TPR: variants seen among roughly 807,000 people sequenced by gnomAD.
TPR encodes the protein translocated promoter region, nuclear basket protein.
TPR carries 51 observed loss-of-function variants against 316.1 expected under a neutral mutation model. The observed-to-expected ratio is 0.16, with a 90% CI of 0.13 to 0.20. The LOEUF is 0.20. Among genes scored for constraint, TPR ranks in the 10% least tolerant of loss-of-function variants. The pLI, the probability that TPR is intolerant of heterozygous loss-of-function variation, is 1.00. For missense variants in TPR, 2,272 were observed against 2,754.8 expected, an observed-to-expected ratio of 0.82 and a Z score of 3.92; for synonymous variants, 981 against 914.7, an observed-to-expected ratio of 1.07 and a Z score of -1.31.
chr1:186,314,759 G>A (rs1417292138), intron 49 of TPR, 35 bp from the exon 50 acceptor site: 2 of 1,384,172 alleles, frequency 1.4e-6, no homozygotes, highest in Admixed American at 1.9e-5. Flanking sequence ...AAAAGCAAGT[G>A]AAAAAATGAG....
intron 18 of TPR, among the ~76,000 whole-genome samples, chr1:186,352,376 G>A (rs1295468962): frequency 6.6e-6 from 1 of 152,000 alleles, no homozygotes; most frequent in African/African-American, 2.4e-5. Context: ...AAAAATAACA[G>A]CAAGAAAAAT....
At chr1:186,343,522 C>T (rs1432384268) in intron 26 of TPR, 49 bp from the exon 27 acceptor site, 1 of 1,557,292 alleles carries the variant, frequency 6.4e-7, no homozygotes, top group Admixed American at 1.9e-5. Flanking sequence ...AAAAAGCCAA[C>T]ATTACAAAAC....
At chr1:186,335,566 ATAT>A (rs1558003428) in intron 33 of TPR, 23 bp from the exon 34 acceptor site, 1 of 1,530,634 alleles carries the variant, frequency 6.5e-7, no homozygotes, top group Admixed American at 2.2e-5. Flanking sequence ...CCAGGCGATT[ATAT>A]TAATATTATA....
At chr1:186,370,849 C>A in intron 3 of TPR, 121 bp downstream of exon 3, 1 of 734,094 alleles carries the variant, frequency 1.4e-6, no homozygotes, top group South Asian at 1.9e-5. Flanking sequence ...TTGTTGGTAG[C>A]TTCCCCTAAT....
In TPR at chr1:186,323,739, G is replaced by A. The variant is rs1289787242; in HGVS notation, c.6244C>T (p.Pro2082Ser). ...QSPRRPPHPL[P>S]PRLTIHAPPQ... Reference sequence around the variant, plus strand: ...GGGGCATGAATGGTCAGTCTTGGGGGAAGTGGATGTGGTGGGCGTCTCGGT... The same window carrying A: ...GGGGCATGAATGGTCAGTCTTGGGGAAAGTGGATGTGGTGGGCGTCTCGGT... The change falls in exon 43 of 51, where the codon CCC (proline) becomes TCC (serine). Residue 2082 changes from proline (P) to serine (S), a missense_variant. Transcript: ENST00000367478. The A allele has an allele frequency of 6.5e-7, 1 of 1,537,924 alleles. No homozygotes were observed. Among genetic ancestry groups the A allele is most frequent in the Non-Finnish European group, 8.7e-7 (1 of 1,153,478 alleles).
At chr1:186,353,397 AC>A (rs1042468147) in intron 18 of TPR, among the ~76,000 whole-genome samples, 43 of 152,016 alleles carry the variant, frequency 2.8e-4, no homozygotes, top group South Asian at 1.0e-3. Context: ...AAAAAAAAAA[AC>A]GTCTTTGTTA....
At chr1:186,317,621 A>G (rs894047158) in intron 48 of TPR, 21 bp from the exon 49 acceptor site, 2 of 1,598,672 alleles carry the variant, frequency 1.3e-6, no homozygotes, top group African/African-American at 2.7e-5. Flanking sequence ...GAAAAATGAG[A>G]AAATACAAAA....
In TPR at chr1:186,346,040, C is replaced by T. The variant is rs561551691; in HGVS notation, c.3096+95G>A. ...TTTTGCCTATGTGTTCAATAAATTT[C>T]TGTTGAGATGAACTAAATGGCAACT... On this transcript the variant is annotated intron_variant, in intron 23 of 50. Transcript: ENST00000367478. 122 of 1,391,184 alleles carry T rather than the reference C, an allele frequency of 8.8e-5. 1 individual carries two copies. Among genetic ancestry groups the T allele is most frequent in the South Asian group, 7.2e-4 (47 of 65,220 alleles). 86.2% of individuals were successfully genotyped at this position (1,391,184 alleles called of 1,614,324 possible).
At chr1:186,331,417 C>T (rs556777400) in intron 39 of TPR, 81 bp downstream of exon 39, 4 of 935,946 alleles carry the variant, frequency 4.3e-6, no homozygotes, top group African/African-American at 3.4e-5. Flanking sequence ...AAAAAAAAGA[C>T]CAAATAATGT....
rs116434553 is a variant in TPR, at chr1:186,326,277, T to C, written c.5890-42A>G. On this transcript the variant is annotated intron_variant, in intron 40 of 50. Transcript: ENST00000367478. ...CAGGCATAAATAAAAGTTTAGAATA[T>C]GGCCCACATGCTCTGCATGTCTAGA... 1.5e-3 allele frequency: 2,335 copies of C among 1,561,594 alleles called. 34 individuals carry two copies. In the African/African-American group the frequency reaches 0.027, roughly 18 times the overall value.
At chr1:186,314,144 G>T in intron 50 of TPR, 118 bp from the exon 51 acceptor site, 1 of 886,764 alleles carries the variant, frequency 1.1e-6, no homozygotes, top group Non-Finnish European at 1.7e-6. Context: ...AAACTGTTGG[G>T]TATTCTACAA....
At position 186,312,086 on chromosome 1, in the gene TPR, T is replaced by G; in HGVS notation, c.*1885A>C. On this transcript the variant is annotated 3_prime_UTR_variant, in exon 51 of 51. Transcript: ENST00000367478. ...TATGAAAAATGAGAACAAAACTGTT[T>G]CCTATACATTGTAAAAGTTGTTTTC... The G allele has an allele frequency of 9.3e-7, 1 of 1,073,294 alleles. No homozygotes were observed. The highest frequency in any genetic ancestry group is 1.4e-6 in the Non-Finnish European group (1 of 708,520). 66.5% of individuals were successfully genotyped at this position (1,073,294 alleles called of 1,614,324 possible). A position where few individuals can be genotyped will look rare whatever the true frequency, so the allele number is the denominator to read the frequency against.
chr1:186,369,764 G>A (rs10911855), intron 3 of TPR, among the ~76,000 whole-genome samples: 2 of 152,006 alleles, frequency 1.3e-5, no homozygotes, highest in Middle Eastern at 3.4e-3. Context: ...TTGCTGGTAC[G>A]TCCAGTACTA....
chr1:186,315,132 C>T (rs1026033905), intron 49 of TPR, among the ~76,000 whole-genome samples: 1 of 150,374 alleles, frequency 6.7e-6, no homozygotes, highest in Non-Finnish European at 1.5e-5. Flanking sequence ...ATCAAGCTAA[C>T]AGTACTCCAG....
intron 18 of TPR, among the ~76,000 whole-genome samples, chr1:186,352,764 T>C (rs969819278): frequency 2.0e-5 from 3 of 152,266 alleles, no homozygotes; most frequent in Non-Finnish European, 2.9e-5. Flanking sequence ...TTATAAGACA[T>C]GGGTTCAAGT....
Position 186,313,055 on chromosome 1 carries a change from T to G in TPR, c.*916A>C. ...AAGAGTTAAGACTTTTGCTTTAATT[T>G]CAATTAAAATGATGGCACTGCAATT... On this transcript the variant is annotated 3_prime_UTR_variant, in exon 51 of 51. Transcript: ENST00000367478. The G allele has an allele frequency of 4.1e-6, 3 of 736,724 alleles. No individual in the cohort carries two copies. The highest frequency in any genetic ancestry group is 6.7e-6 in the Non-Finnish European group (3 of 447,674). The allele number at this position is 736,724 out of a possible 1,614,324, so 45.6% of individuals were successfully genotyped here.
intron 39 of TPR, among the ~76,000 whole-genome samples, chr1:186,329,536 A>G (rs979063914): frequency 4.6e-5 from 7 of 152,156 alleles, no homozygotes; most frequent in African/African-American, 1.7e-4. Flanking sequence ...CTGACACAAT[A>G]TTTTTAATAG....
intron 7 of TPR, 31 bp downstream of exon 7, chr1:186,362,257 G>C: frequency 6.4e-7 from 1 of 1,552,698 alleles, no homozygotes; most frequent in Non-Finnish European, 8.8e-7. Flanking sequence ...TTAGTATTTT[G>C]TAAAAAAGAC....
intron 45 of TPR, 73 bp downstream of exon 45, chr1:186,322,245 T>C: frequency 7.1e-7 from 1 of 1,406,096 alleles, no homozygotes; most frequent in Non-Finnish European, 9.7e-7. Flanking sequence ...GTTAACCAAA[T>C]GATAAACAAA....
Sources: gnomAD v4.1 joint callset for allele counts (sites outside exome capture counted in the v4.1 genomes callset) on GRCh38, gnomAD v4.1.1 for gene constraint, MANE v1.5 for transcripts, NCBI Gene and HGNC (gene_info 2026-07-23, HGNC 2026-07-21) for gene names.